EBF3: variants seen among roughly 807,000 people sequenced by gnomAD.
EBF3 encodes the protein transcription factor COE3.
EBF3 carries 18 observed loss-of-function variants against 77.1 expected under a neutral mutation model. The ratio of observed to expected loss-of-function variants is 0.23; its 90% CI spans 0.16 to 0.35. The LOEUF is 0.35. EBF3 is among the 10% of genes least tolerant of loss of function. The pLI, the probability that EBF3 is intolerant of heterozygous loss-of-function variation, is 1.00. For synonymous variants in EBF3, 350 were observed against 343.5 expected, an observed-to-expected ratio of 1.02 and a Z score of -0.21; for missense variants, 558 against 860.0, an observed-to-expected ratio of 0.65 and a Z score of 4.39.
At chr10:129,912,757 A>C (rs1054208599) in intron 6 of EBF3, among the ~76,000 whole-genome samples, 1 of 152,248 alleles carries the variant, frequency 6.6e-6, no homozygotes, top group Non-Finnish European at 1.5e-5. Flanking sequence ...GACAAGTAGA[A>C]ATATCAATAT....
chr10:129,905,224 G>A (rs1855058352), intron 6 of EBF3, among the ~76,000 whole-genome samples: 1 of 152,214 alleles, frequency 6.6e-6, no homozygotes, highest in African/African-American at 2.4e-5. Context: ...GTGCAACATG[G>A]TGGCCACAAG....
chr10:129,962,356 T>C (rs1859591058), intron 3 of EBF3, 130 bp from the exon 4 acceptor site: 1 of 770,374 alleles, frequency 1.3e-6, no homozygotes, highest in African/African-American at 1.8e-5. Context: ...GGCAATCCCT[T>C]TGAAAGGGAG....
chr10:129,958,555 T>C (rs1211253070), intron 5 of EBF3, among the ~76,000 whole-genome samples: 1 of 152,188 alleles, frequency 6.6e-6, no homozygotes, highest in African/African-American at 2.4e-5. Context: ...TTCCTTTTTA[T>C]CAATAACAGA....
At chr10:129,917,241 C>T (rs546452441) in intron 6 of EBF3, among the ~76,000 whole-genome samples, 5 of 152,234 alleles carry the variant, frequency 3.3e-5, no homozygotes, top group East Asian at 1.9e-4. Context: ...TGGTGGCACA[C>T]GCCTGTAGTC....
rs1430750097 is a variant in EBF3, at chr10:129,837,846, A to AT, written c.*96dup. ...TGATTTTTTTGAAGATACTGTTTCC[A>AT]TCAGCATGTCTTAATATACTAAACG... On this transcript the variant is annotated 3_prime_UTR_variant, in exon 17 of 17. Transcript: ENST00000440978. 4 of 1,529,198 alleles carry AT rather than the reference A, an allele frequency of 2.6e-6. No homozygotes were observed. The highest frequency in any genetic ancestry group is 2.7e-6 in the Non-Finnish European group (3 of 1,109,112). The allele number at this position is 1,529,198 out of a possible 1,614,324, so 94.7% of individuals were successfully genotyped here.
At chr10:129,898,691 T>C (rs945314004) in intron 6 of EBF3, among the ~76,000 whole-genome samples, 4 of 152,240 alleles carry the variant, frequency 2.6e-5, no homozygotes, top group African/African-American at 9.6e-5. Flanking sequence ...GTCAGTTTAT[T>C]TATCTCTGTC....
intron 6 of EBF3, among the ~76,000 whole-genome samples, chr10:129,922,914 A>G (rs1856412424): frequency 1.3e-5 from 2 of 152,132 alleles, no homozygotes; most frequent in South Asian, 4.1e-4. Context: ...GGCCCCCCCG[A>G]CCATGTGACC....
chr10:129,928,554 C>T (rs1856817237), intron 6 of EBF3, among the ~76,000 whole-genome samples: 1 of 152,214 alleles, frequency 6.6e-6, no homozygotes, highest in Non-Finnish European at 1.5e-5. Context: ...ATTGTGAAAA[C>T]ACCACAATGC....
At chr10:129,874,500 C>T (rs1852619603) in intron 7 of EBF3, among the ~76,000 whole-genome samples, 1 of 152,202 alleles carries the variant, frequency 6.6e-6, no homozygotes, top group African/African-American at 2.4e-5. Context: ...AAATGACAAC[C>T]TGGCCCTGAG....
chr10:129,957,248 T>C lies in EBF3; in HGVS notation c.554+10A>G. On this transcript the variant is annotated intron_variant, in intron 6 of 16. Coordinates refer to ENST00000440978, the MANE Select transcript of EBF3 (RefSeq NM_001375380.1). ...GGTTTTGTTTTGAAAAATAAAGAAG[T>C]CATCCTTACCTGTCAATGATTACAG... 1 of 1,592,654 alleles carries C rather than the reference T, an allele frequency of 6.3e-7. No individual in the cohort carries two copies. Among genetic ancestry groups the C allele is most frequent in the Non-Finnish European group, 8.6e-7 (1 of 1,168,948 alleles).
At chr10:129,926,237 G>A (rs1856659774) in intron 6 of EBF3, among the ~76,000 whole-genome samples, 2 of 152,274 alleles carry the variant, frequency 1.3e-5, no homozygotes, top group South Asian at 4.2e-4. Flanking sequence ...GTGCCAGGCA[G>A]GACGAGAATG....
intron 6 of EBF3, among the ~76,000 whole-genome samples, chr10:129,917,740 G>A (rs1855996816): frequency 6.8e-6 from 1 of 147,040 alleles, no homozygotes; most frequent in Non-Finnish European, 1.5e-5. Flanking sequence ...ATTTATTTCA[G>A]TAAAGCAAAA....
At chr10:129,949,595 G>T (rs1398596412) in intron 6 of EBF3, among the ~76,000 whole-genome samples, 1 of 152,150 alleles carries the variant, frequency 6.6e-6, no homozygotes, top group Non-Finnish European at 1.5e-5. Context: ...TGGGGAAGGC[G>T]CACGCTGCCT....
At chr10:129,887,352 C>G (rs1357947949) in intron 6 of EBF3, among the ~76,000 whole-genome samples, 5 of 152,210 alleles carry the variant, frequency 3.3e-5, no homozygotes, top group Non-Finnish European at 7.3e-5. Flanking sequence ...TGAGCCCAAG[C>G]GCTGTCTTGT....
intron 11 of EBF3, chr10:129,845,332 A>G (rs962373409): frequency 1.3e-5 from 2 of 152,262 alleles, no homozygotes; most frequent in African/African-American, 4.8e-5. Flanking sequence ...CCACAACCAT[A>G]AGTGTAATTG....
rs1850065043 is a variant in EBF3 at position 129,841,660 on chromosome 10, C to G, written c.1372+456G>C. Among the ~76,000 whole-genome samples the G allele has an allele frequency of 1.3e-5, 2 of 152,162 alleles. No individual in the cohort carries two copies. ...CAGCGGCCTTGGCTGGCCCAGGACA[C>G]TGCACTGTGGGATGGGGTGCGGGGT... On this transcript the variant is annotated intron_variant, in intron 13 of 16. Coordinates refer to ENST00000440978, the MANE Select transcript of EBF3 (RefSeq NM_001375380.1). This position sits in a 1 kb window ranked among gnomAD's most constrained non-coding sequence, Gnocchi z 4.6.
intron 6 of EBF3, among the ~76,000 whole-genome samples, chr10:129,907,748 G>A (rs1013109670): frequency 5.3e-5 from 8 of 152,208 alleles, no homozygotes; most frequent in South Asian, 4.1e-4. Flanking sequence ...GACTGCGATC[G>A]TGAATTATAA....
At chr10:129,927,608 C>T (rs1396223387) in intron 6 of EBF3, among the ~76,000 whole-genome samples, 3 of 152,216 alleles carry the variant, frequency 2.0e-5, no homozygotes, top group Non-Finnish European at 4.4e-5. Context: ...GCCTCCTATG[C>T]TGACATCTCC....
Position 129,885,373 on chromosome 10 carries a change from A to G in EBF3, c.555-7524T>C, listed in dbSNP as rs1042483159. Among the ~76,000 whole-genome samples, 7 of 152,186 alleles carry G rather than the reference A, an allele frequency of 4.6e-5. No homozygotes were observed. The highest frequency in any genetic ancestry group is 1.0e-4 in the Non-Finnish European group (7 of 68,040). ...AAATCCAGGTAGACACTCTAAAGGCAAGTACATCCCAGAGCTACAAGCTTC... is the reference window on the plus strand; with the variant it reads ...AAATCCAGGTAGACACTCTAAAGGCGAGTACATCCCAGAGCTACAAGCTTC... On this transcript the variant is annotated intron_variant, in intron 6 of 16. Transcript: ENST00000440978. This position sits in a 1 kb window ranked among gnomAD's most constrained non-coding sequence, Gnocchi z 4.0.
Sources: allele counts gnomAD v4.1 joint callset (sites outside exome capture counted in the v4.1 genomes callset), GRCh38; gene constraint gnomAD v4.1.1; non-coding constraint Gnocchi (gnomAD v3.1); transcripts MANE v1.5; gene names NCBI Gene and HGNC (gene_info 2026-07-23, HGNC 2026-07-21).